The following NUDT3 variants were observed in gnomAD, a reference collection of about 807,000 sequenced individuals.
The protein encoded by NUDT3 is diphosphoinositol polyphosphate phosphohydrolase 1.
NUDT3 carries 9 observed loss-of-function variants against 23.6 expected under a neutral mutation model. The ratio of observed to expected loss-of-function variants is 0.38; its 90% confidence interval spans 0.23 to 0.66. NUDT3 has a LOEUF of 0.66. Ranked by LOEUF, NUDT3 falls within the 30% of genes least tolerant of loss-of-function variation. The pLI, the probability that NUDT3 is intolerant of heterozygous loss-of-function variation, is 0.52. For missense variants in NUDT3, 172 were observed against 218.5 expected, an observed-to-expected ratio of 0.79 and a Z score of 1.34; for synonymous variants, 86 against 82.6, an observed-to-expected ratio of 1.04 and a Z score of -0.22.
intron 2 of NUDT3, among the ~76,000 whole-genome samples, chr6:34,310,117 C>T (rs1245251992): frequency 6.6e-6 from 1 of 152,066 alleles, no homozygotes; most frequent in African/African-American, 2.4e-5. Context: ...CATGTAGTCT[C>T]GGCTACTCAG....
In NUDT3 at chr6:34,373,080, C is replaced by A. The variant is rs182930141; in HGVS notation, c.99+19184G>T. On this transcript the variant is annotated intron_variant, in intron 1 of 4. Transcript: ENST00000607016. ...GAATCACAAGCTCAGGAGATCGAGA[C>A]CATCCTGGCTAACATGGTGAAACCC... 8.6e-4 allele frequency among the ~76,000 whole-genome samples: 130 copies of A among 151,858 alleles called. 2 individuals carry two copies. The East Asian group carries it at 0.011, about 13-fold the overall frequency.
chr6:34,343,693 A>C (rs527888973), intron 1 of NUDT3, among the ~76,000 whole-genome samples: 8 of 152,328 alleles, frequency 5.3e-5, no homozygotes, highest in African/African-American at 1.9e-4. Flanking sequence ...AAGATATGCC[A>C]AATTCTTAGA....
At chr6:34,375,526 T>C (rs528648641) in intron 1 of NUDT3, among the ~76,000 whole-genome samples, 37 of 152,208 alleles carry the variant, frequency 2.4e-4, no homozygotes, top group Non-Finnish European at 4.3e-4. Flanking sequence ...ATCACTTCAA[T>C]CCTGACCACA....
chr6:34,339,518 G>T (rs537769530), intron 2 of NUDT3, among the ~76,000 whole-genome samples: 31 of 152,206 alleles, frequency 2.0e-4, no homozygotes, highest in Non-Finnish European at 3.4e-4. Flanking sequence ...TGGGGTCTGA[G>T]ATTTTCCATT....
chr6:34,326,300 A>G (rs1024015823), intron 2 of NUDT3, among the ~76,000 whole-genome samples: 1 of 152,362 alleles, frequency 6.6e-6, no homozygotes, highest in African/African-American at 2.4e-5. Context: ...TTTATTTAAC[A>G]GTAAAATATT....
intron 2 of NUDT3, among the ~76,000 whole-genome samples, chr6:34,320,312 G>T (rs571259363): frequency 6.6e-6 from 1 of 151,944 alleles, no homozygotes; most frequent in African/African-American, 2.4e-5. Context: ...TGCAACCTCC[G>T]CCTCCCGGGT....
chr6:34,331,053 C>G (rs1213603235), intron 2 of NUDT3, among the ~76,000 whole-genome samples: 1 of 152,144 alleles, frequency 6.6e-6, no homozygotes, highest in Non-Finnish European at 1.5e-5. Context: ...TGGGGTTTCA[C>G]CATATTGGCC....
chr6:34,351,696 G>A (rs1182358784), intron 1 of NUDT3, among the ~76,000 whole-genome samples: 3 of 134,988 alleles, frequency 2.2e-5, no homozygotes, highest in Non-Finnish European at 3.1e-5. Flanking sequence ...AGCCGAGATC[G>A]CACCATTGCA....
At chr6:34,352,271 C>T (rs752935766) in intron 1 of NUDT3, among the ~76,000 whole-genome samples, 27 of 152,102 alleles carry the variant, frequency 1.8e-4, no homozygotes, top group Admixed American at 9.8e-4. Context: ...CTCAAGCAAT[C>T]CTCTCAACAC....
chr6:34,304,243 C>T (rs909594655), intron 2 of NUDT3, among the ~76,000 whole-genome samples: 1 of 137,220 alleles, frequency 7.3e-6, no homozygotes, highest in African/African-American at 2.8e-5. Flanking sequence ...AAGAGTGAAA[C>T]TCTGTCTCAA....
At chr6:34,353,226 G>T (rs1004287759) in intron 1 of NUDT3, among the ~76,000 whole-genome samples, 1 of 151,982 alleles carries the variant, frequency 6.6e-6, no homozygotes, top group Admixed American at 6.6e-5. Flanking sequence ...TTAAATCCTG[G>T]AGATCATTTT....
At chr6:34,350,751 T>G (rs1314978877) in intron 1 of NUDT3, among the ~76,000 whole-genome samples, 2 of 150,752 alleles carry the variant, frequency 1.3e-5, no homozygotes, top group Admixed American at 6.6e-5. Context: ...GAGGAACCCC[T>G]AGACATAAAC....
At chr6:34,353,362 TAAG>T (rs1764507557) in intron 1 of NUDT3, among the ~76,000 whole-genome samples, 1 of 152,156 alleles carries the variant, frequency 6.6e-6, no homozygotes, top group African/African-American at 2.4e-5. Flanking sequence ...AATGAATTCC[TAAG>T]TAGTCACTGT....
chr6:34,329,546 G>T (rs900566272), intron 2 of NUDT3, among the ~76,000 whole-genome samples: 5 of 152,160 alleles, frequency 3.3e-5, no homozygotes, highest in Admixed American at 1.3e-4. Flanking sequence ...CTCCCAAAGT[G>T]CTGAGATTAC....
chr6:34,353,104 T>C (rs1051526683), intron 1 of NUDT3, among the ~76,000 whole-genome samples: 9 of 152,206 alleles, frequency 5.9e-5, no homozygotes, highest in East Asian at 1.9e-4. Context: ...TGAAGACTTC[T>C]AGAGATATTC....
intron 1 of NUDT3, among the ~76,000 whole-genome samples, chr6:34,348,267 TG>T (rs1434108469): frequency 6.7e-6 from 1 of 150,200 alleles, no homozygotes; most frequent in African/African-American, 2.5e-5. Flanking sequence ...GCCTGGGCAA[TG>T]GGAATGAAAC....
chr6:34,347,260 A>G (rs958591741), intron 1 of NUDT3, among the ~76,000 whole-genome samples: 1 of 152,262 alleles, frequency 6.6e-6, no homozygotes, highest in African/African-American at 2.4e-5. Flanking sequence ...TACCTACTCA[A>G]CAAACGTTCA....
At chr6:34,379,874 G>A (rs1443182032) in intron 1 of NUDT3, among the ~76,000 whole-genome samples, 2 of 151,824 alleles carry the variant, frequency 1.3e-5, no homozygotes, top group Non-Finnish European at 2.9e-5. Context: ...GGATGGGGTG[G>A]CACATGCCTG....
intron 2 of NUDT3, among the ~76,000 whole-genome samples, chr6:34,329,954 C>T (rs1476452591): frequency 6.6e-6 from 1 of 152,184 alleles, no homozygotes; most frequent in Admixed American, 6.5e-5. Context: ...CCAGCTTCAT[C>T]CATGTCCCTA....
Sources: gnomAD v4.1 joint callset for allele counts (sites outside exome capture counted in the v4.1 genomes callset) on GRCh38, gnomAD v4.1.1 for gene constraint, MANE v1.5 for transcripts, NCBI Gene and HGNC (gene_info 2026-07-23, HGNC 2026-07-21) for gene names.